SCAMP1: variants seen among roughly 807,000 people sequenced by gnomAD.
SCAMP1 encodes secretory carrier-associated membrane protein 1.
A neutral mutation model predicts 41.8 loss-of-function variants in SCAMP1; 15 were observed. That is an observed-to-expected ratio of 0.36 (90% CI 0.24 to 0.55). The LOEUF (loss-of-function observed/expected upper bound fraction) is 0.55, where lower values mean the gene tolerates loss of function less well. Among genes scored for constraint, SCAMP1 ranks in the 20% least tolerant of loss-of-function variants. The pLI is 0.86. For synonymous variants in SCAMP1, 135 were observed against 136.8 expected (o/e 0.99, Z 0.09); for missense variants, 341 against 412.6 (o/e 0.83, Z 1.50).
At position 78,432,460 on chromosome 5, in the gene SCAMP1, A is replaced by G. The variant is rs185434137; in HGVS notation, c.632+10500A>G. 5.5e-4 allele frequency among the ~76,000 whole-genome samples: 83 copies of G among 152,252 alleles called. No individual in the cohort carries two copies. The Middle Eastern group carries it at 0.01, about 19-fold the overall frequency. ...TGTTCATCTTTGAAAGATATTATCAATAAGTATAATATGGGTTCACAGGTA... is the reference window on the plus strand; with the variant it reads ...TGTTCATCTTTGAAAGATATTATCAGTAAGTATAATATGGGTTCACAGGTA... On this transcript the variant is annotated intron_variant, in intron 6 of 8. Coordinates refer to ENST00000621999, the MANE Select transcript of SCAMP1 (RefSeq NM_004866.6).
At chr5:78,366,897 GGT>G in intron 1 of SCAMP1, among the ~76,000 whole-genome samples, 1 of 149,160 alleles carries the variant, frequency 6.7e-6, no homozygotes. Flanking sequence ...GAGGCGGGAG[GGT>G]GACAGAGTGA....
chr5:78,454,088 A>G (rs373825722), intron 7 of SCAMP1, among the ~76,000 whole-genome samples: 1,862 of 152,290 alleles, frequency 0.012, 24 homozygotes, highest in Middle Eastern at 0.048. Flanking sequence ...TTGGGCTGAG[A>G]CAGTGGGGTT....
At chr5:78,454,854 T>G (rs1412671908) in intron 7 of SCAMP1, among the ~76,000 whole-genome samples, 2 of 152,256 alleles carry the variant, frequency 1.3e-5, no homozygotes, top group African/African-American at 4.8e-5. Context: ...ATTGCCACAA[T>G]TTCAGATCCT....
intron 8 of SCAMP1, among the ~76,000 whole-genome samples, chr5:78,465,729 CAGAA>C (rs1753728473): frequency 6.6e-6 from 1 of 152,156 alleles, no homozygotes; most frequent in African/African-American, 2.4e-5. Context: ...CTATCAGAAA[CAGAA>C]AGAATGAAAA....
At chr5:78,424,546 A>C (rs548427723) in intron 6 of SCAMP1, among the ~76,000 whole-genome samples, 2 of 152,144 alleles carry the variant, frequency 1.3e-5, no homozygotes, top group Non-Finnish European at 2.9e-5. Context: ...CCTGGCCAAC[A>C]TGGTGAAACT....
At chr5:78,381,077 A>C (rs1751194727) in intron 1 of SCAMP1, among the ~76,000 whole-genome samples, 1 of 152,044 alleles carries the variant, frequency 6.6e-6, no homozygotes, top group Admixed American at 6.6e-5. Flanking sequence ...AAAAAAAAAA[A>C]ACTGTTTCTT....
At chr5:78,362,725 A>G (rs1445591083) in intron 1 of SCAMP1, among the ~76,000 whole-genome samples, 2 of 151,912 alleles carry the variant, frequency 1.3e-5, no homozygotes, top group African/African-American at 4.8e-5. Context: ...ATTTATGTTC[A>G]CCTGCCCCTC....
chr5:78,445,511 T>C (rs561283040), intron 6 of SCAMP1, among the ~76,000 whole-genome samples: 23 of 152,370 alleles, frequency 1.5e-4, no homozygotes, highest in African/African-American at 5.3e-4. Context: ...TTTAAATCTA[T>C]ATTTCTGTTC....
At chr5:78,428,783 C>T (rs1275484458) in intron 6 of SCAMP1, among the ~76,000 whole-genome samples, 2 of 152,158 alleles carry the variant, frequency 1.3e-5, no homozygotes, top group Non-Finnish European at 2.9e-5. Context: ...TTTATAATTT[C>T]TCTCAGCCAT....
Position 78,360,711 on chromosome 5 carries a change from C to T in SCAMP1, c.40C>T (p.Leu14Phe). Residue 14 changes from leucine (L) to phenylalanine (F), a missense_variant, in exon 1 of 9, where the codon CTC (leucine) becomes TTC (phenylalanine). Leu to Phe is a conservative substitution (Grantham distance 22). Coordinates refer to ENST00000621999, the MANE Select transcript of SCAMP1 (RefSeq NM_004866.6). ...CAGTAACCCGTTTGCCGACCCGGAT[C>T]TCAACAATCCCTTCAAGGTGAGCTT... ...FDSNPFADPD[L>F]NNPFKDPSVT... The T allele has an allele frequency of 6.2e-7, 1 of 1,610,262 alleles. No homozygotes were observed. The highest frequency in any genetic ancestry group is 8.5e-7 in the Non-Finnish European group (1 of 1,178,472).
intron 3 of SCAMP1, among the ~76,000 whole-genome samples, chr5:78,416,033 A>G (rs924173250): frequency 2.6e-5 from 4 of 152,236 alleles, no homozygotes; most frequent in African/African-American, 9.6e-5. Flanking sequence ...GATAGCATGT[A>G]AGGGCAAATT....
intron 8 of SCAMP1, among the ~76,000 whole-genome samples, chr5:78,465,399 C>T (rs1181684104): frequency 6.6e-6 from 1 of 152,212 alleles, no homozygotes; most frequent in African/African-American, 2.4e-5. Flanking sequence ...GTGTCCTCAA[C>T]TGTACTCCAA....
chr5:78,454,778 C>G (rs1429742508), intron 7 of SCAMP1, among the ~76,000 whole-genome samples: 1 of 152,152 alleles, frequency 6.6e-6, no homozygotes, highest in East Asian at 1.9e-4. Context: ...CTCCTTGTAC[C>G]TCTGATCGAA....
intron 4 of SCAMP1, among the ~76,000 whole-genome samples, chr5:78,418,250 T>C (rs1580679126): frequency 1.3e-5 from 2 of 152,322 alleles, no homozygotes; most frequent in African/African-American, 4.8e-5. Flanking sequence ...TTGAGTATTC[T>C]AAATTTGATT....
intron 2 of SCAMP1, among the ~76,000 whole-genome samples, chr5:78,391,240 C>T (rs1407609529): frequency 2.0e-5 from 3 of 150,934 alleles, no homozygotes; most frequent in South Asian, 2.1e-4. Context: ...CGGGCAGAGG[C>T]GCCCCTCACC....
At chr5:78,444,767 A>G (rs1371711698) in intron 6 of SCAMP1, among the ~76,000 whole-genome samples, 1 of 152,204 alleles carries the variant, frequency 6.6e-6, no homozygotes, top group Non-Finnish European at 1.5e-5. Context: ...ACAGTATTAC[A>G]TGAGTGTAAT....
intron 1 of SCAMP1, 107 bp downstream of exon 1, chr5:78,360,835 G>T (rs1053028316): frequency 1.8e-6 from 2 of 1,126,956 alleles, no homozygotes; most frequent in African/African-American, 3.2e-5. Flanking sequence ...CCCCTTAGCA[G>T]CCCAGAGAGG....
chr5:78,430,482 G>A (rs1752593007), intron 6 of SCAMP1, among the ~76,000 whole-genome samples: 1 of 151,224 alleles, frequency 6.6e-6, no homozygotes, highest in Non-Finnish European at 1.5e-5. Flanking sequence ...CATCCTTTCT[G>A]TTTATATAAC....
chr5:78,418,498 TTTTTCTGTACATAAATG>T (rs1474683788), intron 4 of SCAMP1, among the ~76,000 whole-genome samples: 12 of 152,298 alleles, frequency 7.9e-5, no homozygotes, highest in African/African-American at 2.6e-4. Context: ...TGTTTCTTGT[TTTTTCTGTACATAAATG>T]GTTCCTGCTA....
Sources: gnomAD v4.1 joint callset for allele counts (sites outside exome capture counted in the v4.1 genomes callset) on GRCh38, gnomAD v4.1.1 for gene constraint, MANE v1.5 for transcripts, NCBI Gene and HGNC (gene_info 2026-07-23, HGNC 2026-07-21) for gene names.